SLC25A13: variants seen among roughly 807,000 people sequenced by gnomAD.
SLC25A13 encodes solute carrier family 25 member 13, also known as electrogenic aspartate/glutamate antiporter SLC25A13, mitochondrial.
A neutral mutation model predicts 85.5 loss-of-function variants in SLC25A13; 70 were observed. The observed-to-expected ratio is 0.82, with a 90% CI of 0.68 to 1.00. SLC25A13 has a LOEUF of 1.00. SLC25A13 is among the 50% of genes least tolerant of loss of function. The pLI, the probability that SLC25A13 is intolerant of heterozygous loss-of-function variation, is 0.00. For synonymous variants in SLC25A13, 259 were observed against 288.7 expected (o/e 0.90, Z 1.04); for missense variants, 765 against 819.8 (o/e 0.93, Z 0.82).
intron 3 of SLC25A13, among the ~76,000 whole-genome samples, chr7:96,239,740 A>G (rs891449348): frequency 4.6e-5 from 7 of 152,150 alleles, no homozygotes; most frequent in Admixed American, 6.5e-5. Flanking sequence ...GTAGGTTTCT[A>G]ACTACTCTAT....
In SLC25A13 at chr7:96,121,696, G is replaced by GT. The variant is rs80338726; in HGVS notation, c.1799dup (p.Tyr600Ter). ...SPQFGVTLLTYELLQRWFYID... is the reference protein window; with the variant it reads ...SPQFGVTLLT ...TGTAGAACCATCGCTGTAGCAATTCGTAAGTCAGCAAAGTTACACCAAACT... is the reference window on the plus strand; with the variant it reads ...TGTAGAACCATCGCTGTAGCAATTCGTTAAGTCAGCAAAGTTACACCAAACT... The change falls in exon 17 of 18, where the codon TAC becomes TAAC. Residue 600 changes from tyrosine (Y) to a stop codon, truncating the protein, a stop_gained and frameshift_variant. Coordinates refer to ENST00000265631, the MANE Select transcript of SLC25A13 (RefSeq NM_014251.3). LOFTEE classifies it high-confidence loss of function. 7.4e-6 allele frequency: 12 copies of GT among 1,613,998 alleles called. No homozygotes were observed. In the Admixed American group the frequency reaches 1.3e-4, roughly 18 times the overall value.
At chr7:96,268,465 T>C (rs1264910484) in intron 3 of SLC25A13, among the ~76,000 whole-genome samples, 1 of 152,162 alleles carries the variant, frequency 6.6e-6, no homozygotes, top group Non-Finnish European at 1.5e-5. Context: ...CCTCCTCAAA[T>C]GCTGGGACAA....
At chr7:96,272,450 T>C (rs1798278140) in intron 3 of SLC25A13, among the ~76,000 whole-genome samples, 1 of 152,208 alleles carries the variant, frequency 6.6e-6, no homozygotes, top group South Asian at 2.1e-4. Context: ...AGTAACACCC[T>C]GGTAACAATA....
chr7:96,164,133 A>AGCC (rs1280774800), intron 13 of SLC25A13, among the ~76,000 whole-genome samples: 1 of 152,204 alleles, frequency 6.6e-6, no homozygotes, highest in Non-Finnish European at 1.5e-5. Flanking sequence ...AACCTGTTTT[A>AGCC]ACAAACACAC....
intron 1 of SLC25A13, among the ~76,000 whole-genome samples, chr7:96,301,498 A>C (rs1277868332): frequency 6.6e-6 from 1 of 152,148 alleles, no homozygotes; most frequent in East Asian, 1.9e-4. Flanking sequence ...AGAGTAATTC[A>C]CTAAGAAGAA....
chr7:96,220,717 C>T (rs1330853241), intron 4 of SLC25A13, among the ~76,000 whole-genome samples: 2 of 152,270 alleles, frequency 1.3e-5, no homozygotes, highest in East Asian at 3.9e-4. Context: ...TCTACACCTT[C>T]TTTCCTACTC....
intron 2 of SLC25A13, among the ~76,000 whole-genome samples, chr7:96,279,807 C>A (rs1038026805): frequency 2.0e-5 from 3 of 152,118 alleles, no homozygotes; most frequent in Non-Finnish European, 2.9e-5. Flanking sequence ...TGTGTGTGAT[C>A]TAAGGTAAGA....
At chr7:96,308,862 G>A (rs1022866161) in intron 1 of SLC25A13, among the ~76,000 whole-genome samples, 4 of 152,144 alleles carry the variant, frequency 2.6e-5, no homozygotes, top group Non-Finnish European at 5.9e-5. Flanking sequence ...AATGTGAAAA[G>A]GCAAATAAAC....
chr7:96,203,390 A>G (rs1795334540), intron 5 of SLC25A13, among the ~76,000 whole-genome samples: 3 of 152,088 alleles, frequency 2.0e-5, no homozygotes, highest in Admixed American at 2.0e-4. Context: ...TTTTTACACT[A>G]AAATTTGGGG....
chr7:96,234,763 C>A, intron 4 of SLC25A13, 39 bp downstream of exon 4: 1 of 1,476,396 alleles, frequency 6.8e-7, no homozygotes, highest in South Asian at 1.1e-5. Context: ...TCACACAAGT[C>A]CACACTTACA....
chr7:96,192,060 A>G (rs770473053), intron 6 of SLC25A13, among the ~76,000 whole-genome samples: 1 of 152,162 alleles, frequency 6.6e-6, no homozygotes, highest in Non-Finnish European at 1.5e-5. Context: ...AATAGCTGAC[A>G]TGAAAGTTTA....
intron 2 of SLC25A13, among the ~76,000 whole-genome samples, chr7:96,279,199 T>A (rs1046749677): frequency 1.3e-5 from 2 of 152,226 alleles, no homozygotes; most frequent in African/African-American, 4.8e-5. Flanking sequence ...TGTGTGAACA[T>A]GCCCTTTACT....
At chr7:96,157,378 T>C (rs1004998158) in intron 13 of SLC25A13, among the ~76,000 whole-genome samples, 4 of 152,232 alleles carry the variant, frequency 2.6e-5, no homozygotes, top group African/African-American at 9.7e-5. Flanking sequence ...CATGCTTCTA[T>C]AAGCTTGATT....
At chr7:96,277,148 C>T in intron 3 of SLC25A13, 48 bp downstream of exon 3, 2 of 1,514,708 alleles carry the variant, frequency 1.3e-6, no homozygotes, top group Non-Finnish European at 8.9e-7. Context: ...CAAAAGAAAG[C>T]TGTTTCAAAC....
chr7:96,150,049 C>T (rs1423354063), intron 13 of SLC25A13, among the ~76,000 whole-genome samples: 3 of 151,956 alleles, frequency 2.0e-5, no homozygotes. Context: ...GGAAAATATT[C>T]CATACTGAAC....
At chr7:96,318,222 AG>A (rs1800201636) in intron 1 of SLC25A13, among the ~76,000 whole-genome samples, 1 of 152,208 alleles carries the variant, frequency 6.6e-6, no homozygotes, top group Non-Finnish European at 1.5e-5. Flanking sequence ...TCTGAACTCA[AG>A]GGAGCATATT....
At chr7:96,205,806 C>A (rs1285835514) in intron 5 of SLC25A13, among the ~76,000 whole-genome samples, 2 of 152,218 alleles carry the variant, frequency 1.3e-5, no homozygotes, top group African/African-American at 4.8e-5. Flanking sequence ...ATGCCCAGGA[C>A]TGCCAACACC....
intron 5 of SLC25A13, among the ~76,000 whole-genome samples, chr7:96,204,361 G>A (rs375061182): frequency 2.6e-5 from 4 of 151,978 alleles, no homozygotes; most frequent in East Asian, 3.9e-4. Context: ...AAGTGCCTAC[G>A]ACAGTCACCC....
intron 4 of SLC25A13, among the ~76,000 whole-genome samples, chr7:96,216,525 A>T (rs1795905939): frequency 6.6e-6 from 1 of 152,018 alleles, no homozygotes; most frequent in African/African-American, 2.4e-5. Context: ...TAGAGTGGAT[A>T]AAAAAAATGT....
Sources: allele counts gnomAD v4.1 joint callset (sites outside exome capture counted in the v4.1 genomes callset), GRCh38; gene constraint gnomAD v4.1.1; transcripts MANE v1.5; gene names NCBI Gene and HGNC (gene_info 2026-07-23, HGNC 2026-07-21).